Variants in LINGO1 observed in about 807,000 individuals in gnomAD.
LINGO1 encodes the protein leucine rich repeat and Ig domain containing 1.
LINGO1 carries 11 observed loss-of-function variants against 37.3 expected under a neutral mutation model. The observed-to-expected ratio is 0.29, with a 90% CI of 0.19 to 0.49. The LOEUF is 0.49. Among genes scored for constraint, LINGO1 ranks in the 20% least tolerant of loss-of-function variants. The pLI is 0.99. For missense variants in LINGO1, 585 were observed against 878.2 expected (o/e 0.67, Z 4.22); for synonymous variants, 387 against 403.0 (o/e 0.96, Z 0.48).
chr15:77,778,496 G>T (rs1405890799), intron 1 of LINGO1, among the ~76,000 whole-genome samples: 1 of 152,162 alleles, frequency 6.6e-6, no homozygotes, highest in East Asian at 1.9e-4. Flanking sequence ...CCACAGCTGA[G>T]TGCCTCATTT....
At chr15:77,804,129 A>G (rs1418888948) in intron 1 of LINGO1, among the ~76,000 whole-genome samples, 5 of 152,070 alleles carry the variant, frequency 3.3e-5, no homozygotes, top group Non-Finnish European at 7.4e-5. Context: ...GAGGTCTGTG[A>G]GCCCCAAAAC....
intron 1 of LINGO1, among the ~76,000 whole-genome samples, chr15:77,617,262 C>T (rs867312731): frequency 4.6e-5 from 7 of 152,192 alleles, no homozygotes; most frequent in South Asian, 2.1e-4. Context: ...TGCCTCCCAT[C>T]TCCTCCTTCC....
At chr15:77,791,817 C>T (rs1394447630), upstream of LINGO1, among the ~76,000 whole-genome samples, 1 of 152,106 alleles carries the variant, frequency 6.6e-6, no homozygotes, top group Non-Finnish European at 1.5e-5. Flanking sequence ...TGGTGCCATC[C>T]ATTAGGCCAC....
chr15:77,803,502 A>G (rs1876233255), intron 1 of LINGO1, among the ~76,000 whole-genome samples: 1 of 152,096 alleles, frequency 6.6e-6, no homozygotes, highest in African/African-American at 2.4e-5. Context: ...TTATAGAATG[A>G]ATGAATGGGT....
At chr15:77,807,250 T>C (rs1235379999) in intron 1 of LINGO1, among the ~76,000 whole-genome samples, 1 of 152,206 alleles carries the variant, frequency 6.6e-6, no homozygotes, top group African/African-American at 2.4e-5. Flanking sequence ...CTCAGTAATG[T>C]AGTGATTATG....
chr15:77,686,461 C>T (rs2075513000), intron 2 of LINGO1, among the ~76,000 whole-genome samples: 1 of 152,238 alleles, frequency 6.6e-6, no homozygotes, highest in Non-Finnish European at 1.5e-5. Flanking sequence ...ACATGCCCAG[C>T]CTGGCTACTT....
intron 2 of LINGO1, among the ~76,000 whole-genome samples, chr15:77,725,142 T>A (rs1024601511): frequency 8.5e-5 from 13 of 152,212 alleles, no homozygotes; most frequent in Admixed American, 3.3e-4. Context: ...CTACACAGGC[T>A]CTGCTGACTT....
chr15:77,774,339 C>T (rs1442610288), intron 1 of LINGO1, among the ~76,000 whole-genome samples: 2 of 152,052 alleles, frequency 1.3e-5, no homozygotes, highest in East Asian at 3.9e-4. Context: ...GCCCTCTGCC[C>T]ACCTCTCCCA....
At chr15:77,730,068 G>A (rs545922426) in intron 2 of LINGO1, among the ~76,000 whole-genome samples, 1 of 152,126 alleles carries the variant, frequency 6.6e-6, no homozygotes, top group African/African-American at 2.4e-5. Flanking sequence ...CCGGGGTTGG[G>A]AGCGTTGTGG....
intron 3 of LINGO1, among the ~76,000 whole-genome samples, chr15:77,651,141 AAG>A (rs546402138): frequency 2.2e-3 from 328 of 152,256 alleles, no homozygotes; most frequent in Non-Finnish European, 4.0e-3. Context: ...CATTGGAGGG[AAG>A]AGAGAGTTCT....
chr15:77,737,083 C>T (rs2078314702), intron 1 of LINGO1, among the ~76,000 whole-genome samples: 1 of 152,212 alleles, frequency 6.6e-6, no homozygotes, highest in African/African-American at 2.4e-5. Context: ...TATCCTGTCT[C>T]ATTGAACACA....
At chr15:77,728,274 C>T (rs1183871344) in intron 2 of LINGO1, among the ~76,000 whole-genome samples, 1 of 152,260 alleles carries the variant, frequency 6.6e-6, no homozygotes, top group Non-Finnish European at 1.5e-5. Context: ...CTGCGAAGAG[C>T]CCACTCATCA....
chr15:77,714,599 C>A (rs2075960798), intron 2 of LINGO1, among the ~76,000 whole-genome samples: 2 of 152,262 alleles, frequency 1.3e-5, no homozygotes, highest in South Asian at 4.1e-4. Context: ...CCCATCACTG[C>A]ACCATTAGCA....
At chr15:77,717,945 G>A (rs918371455) in intron 2 of LINGO1, among the ~76,000 whole-genome samples, 2 of 151,018 alleles carry the variant, frequency 1.3e-5, no homozygotes, top group Non-Finnish European at 1.5e-5. Context: ...CATGAAGCAG[G>A]TGATACAGCC....
chr15:77,712,610 C>T (rs1567541110), intron 2 of LINGO1, among the ~76,000 whole-genome samples: 2 of 152,338 alleles, frequency 1.3e-5, no homozygotes, highest in East Asian at 3.9e-4. Context: ...GCCACCTCAC[C>T]TCCCCACTCT....
chr15:77,730,733 G>A (rs1160273919), intron 2 of LINGO1, among the ~76,000 whole-genome samples: 1 of 152,240 alleles, frequency 6.6e-6, no homozygotes, highest in Non-Finnish European at 1.5e-5. Context: ...GTGGCATGGG[G>A]CCCTCTTGAG....
At chr15:77,655,539 G>A (rs1422817037) in intron 3 of LINGO1, among the ~76,000 whole-genome samples, 2 of 151,918 alleles carry the variant, frequency 1.3e-5, no homozygotes, top group African/African-American at 2.4e-5. Flanking sequence ...AGTGGATGCC[G>A]GCAACCGTGA....
chr15:77,615,351 C>T lies in LINGO1; in HGVS notation c.556G>A (p.Ala186Thr), dbSNP rs767013521. Residue 186 changes from alanine (A) to threonine (T), a missense_variant, in exon 2 of 2, where the codon GCC becomes ACC. By Grantham distance (58) the Ala-to-Thr change is moderately conservative. Transcript: ENST00000355300. ...TCCAGGCTGTTGAGGCCGCTGAAGGCGCGGTGAGAGATGTAGACGAGGTCA... is the reference window on the plus strand; with the variant it reads ...TCCAGGCTGTTGAGGCCGCTGAAGGTGCGGTGAGAGATGTAGACGAGGTCA... ...DNDLVYISHR[A>T]FSGLNSLEQL... 26 of 1,613,876 alleles carry T rather than the reference C, an allele frequency of 1.6e-5. No individual in the cohort carries two copies. Among genetic ancestry groups the T allele is most frequent in the Non-Finnish European group, 2.1e-5 (25 of 1,179,888 alleles).
intron 2 of LINGO1, among the ~76,000 whole-genome samples, chr15:77,734,655 C>A (rs952237990): frequency 6.6e-6 from 1 of 151,884 alleles, no homozygotes; most frequent in Non-Finnish European, 1.5e-5. Context: ...CTCCAGGATC[C>A]CCAAGTTCAA....
Sources: allele counts gnomAD v4.1 joint callset (sites outside exome capture counted in the v4.1 genomes callset), GRCh38; gene constraint gnomAD v4.1.1; transcripts MANE v1.5; gene names NCBI Gene and HGNC (gene_info 2026-07-23, HGNC 2026-07-21).